NMNAT2: variants seen among roughly 807,000 people sequenced by gnomAD.
NMNAT2 encodes the protein nicotinamide/nicotinic acid mononucleotide adenylyltransferase 2.
A neutral mutation model predicts 41.6 loss-of-function variants in NMNAT2; 11 were observed. That is an observed-to-expected ratio of 0.26 (90% CI 0.17 to 0.44). The LOEUF is 0.44. Ranked by LOEUF, NMNAT2 falls within the 20% of genes least tolerant of loss-of-function variation. The pLI, the probability that NMNAT2 is intolerant of heterozygous loss-of-function variation, is 1.00. For missense variants in NMNAT2, 288 were observed against 407.7 expected, an observed-to-expected ratio of 0.71 and a Z score of 2.53; for synonymous variants, 148 against 151.2, an observed-to-expected ratio of 0.98 and a Z score of 0.16.
chr1:183,389,110 T>C (rs1648356101), intron 1 of NMNAT2, among the ~76,000 whole-genome samples: 1 of 152,188 alleles, frequency 6.6e-6, no homozygotes, highest in South Asian at 2.1e-4. Flanking sequence ...CAGGTATCTC[T>C]GTCCCCAGCC....
chr1:183,332,551 G>A (rs1662606455), intron 1 of NMNAT2, among the ~76,000 whole-genome samples: 1 of 152,162 alleles, frequency 6.6e-6, no homozygotes, highest in Admixed American at 6.5e-5. Context: ...CTTAAAATGA[G>A]GTTTGAGATT....
At chr1:183,261,177 T>C (rs199615434) in intron 9 of NMNAT2, 25 bp downstream of exon 9, 64 of 1,609,602 alleles carry the variant, frequency 4.0e-5, no homozygotes, top group Non-Finnish European at 5.1e-5. Context: ...ATAACACAGA[T>C]GCACTAGCAG....
In NMNAT2 at chr1:183,278,541, C is replaced by A; in HGVS notation, c.651+12G>T. 6.2e-7 allele frequency: 1 copy of A among 1,601,688 alleles called. No individual in the cohort carries two copies. On this transcript the variant is annotated intron_variant, in intron 8 of 10. Coordinates refer to ENST00000287713, the MANE Select transcript of NMNAT2 (RefSeq NM_015039.4). Reference sequence around the variant, plus strand: ...TCCCAGCTGGGTGCCAGGCAATAACCTTGCTACTCACATCTGCCTCGTTCC... The same window carrying A: ...TCCCAGCTGGGTGCCAGGCAATAACATTGCTACTCACATCTGCCTCGTTCC...
intron 1 of NMNAT2, among the ~76,000 whole-genome samples, chr1:183,315,543 G>A (rs964980671): frequency 2.6e-5 from 4 of 152,020 alleles, no homozygotes; most frequent in African/African-American, 7.3e-5. Flanking sequence ...AGTAGCTTTG[G>A]GAGGCCGAGG....
chr1:183,285,415 G>A (rs1266994634), intron 5 of NMNAT2, among the ~76,000 whole-genome samples: 1 of 152,178 alleles, frequency 6.6e-6, no homozygotes, highest in Non-Finnish European at 1.5e-5. Context: ...CCATGCAGAT[G>A]GTCTTCAGAA....
chr1:183,396,499 C>A (rs1648654562), intron 1 of NMNAT2, among the ~76,000 whole-genome samples: 2 of 152,050 alleles, frequency 1.3e-5, no homozygotes, highest in Admixed American at 1.3e-4. Flanking sequence ...TGGTATATGA[C>A]CTCCTTGGGA....
At chr1:183,284,861 C>T in intron 5 of NMNAT2, 71 bp from the exon 6 acceptor site, 1 of 1,306,608 alleles carries the variant, frequency 7.7e-7, no homozygotes, top group Non-Finnish European at 1.1e-6. Flanking sequence ...TCATGTCGGC[C>T]CGGCATTGGG....
At chr1:183,335,326 G>A (rs1334760694) in intron 1 of NMNAT2, among the ~76,000 whole-genome samples, 3 of 152,206 alleles carry the variant, frequency 2.0e-5, no homozygotes, top group East Asian at 1.9e-4. Context: ...GCACAAATCC[G>A]GCCCTATGTC....
At chr1:183,314,665 G>A (rs115339048) in intron 1 of NMNAT2, among the ~76,000 whole-genome samples, 2,003 of 152,334 alleles carry the variant, frequency 0.013, 23 homozygotes, top group Non-Finnish European at 0.022. Flanking sequence ...CTCATGGTGT[G>A]CACAGCCTTT....
intron 1 of NMNAT2, among the ~76,000 whole-genome samples, chr1:183,414,560 G>A (rs1408121092): frequency 1.3e-5 from 2 of 152,138 alleles, no homozygotes; most frequent in Non-Finnish European, 2.9e-5. Flanking sequence ...AGACCCATGA[G>A]ATATGACATC....
At position 183,284,718 on chromosome 1, in the gene NMNAT2, G is replaced by A; in HGVS notation, c.521C>T (p.Thr174Ile). 1 of 1,613,972 alleles carries A rather than the reference G, an allele frequency of 6.2e-7. No homozygotes were observed. The highest frequency in any genetic ancestry group is 8.5e-7 in the Non-Finnish European group (1 of 1,179,824). ...CCVRPPVERF[T>I]FVDENANLGT... ...GTTCCTTGGTTCCTCACCTACAAAG[G>A]TGAAACGCTCCACCGGCGGGCGGAC... Residue 174 changes from threonine (T) to isoleucine (I), a missense_variant, in exon 6 of 11, where the codon ACC becomes ATC. By Grantham distance (89) the Thr-to-Ile change is moderately conservative. Around this residue, in one of 3 missense-constraint regions of NMNAT2, gnomAD observed 181 missense variants for 213.7 expected, o/e 0.85. Coordinates refer to ENST00000287713, the MANE Select transcript of NMNAT2 (RefSeq NM_015039.4).
chr1:183,379,913 A>T (rs895702620), intron 1 of NMNAT2, among the ~76,000 whole-genome samples: 1 of 152,248 alleles, frequency 6.6e-6, no homozygotes, highest in Non-Finnish European at 1.5e-5. Flanking sequence ...TTCTAATCCA[A>T]TGAAATTATT....
intron 1 of NMNAT2, among the ~76,000 whole-genome samples, chr1:183,310,078 G>A (rs1388227173): frequency 6.6e-6 from 1 of 152,164 alleles, no homozygotes; most frequent in East Asian, 1.9e-4. Flanking sequence ...AGATGAATTT[G>A]GTGACCTTTA....
intron 1 of NMNAT2, among the ~76,000 whole-genome samples, chr1:183,398,157 A>G (rs1347951055): frequency 6.6e-6 from 1 of 152,234 alleles, no homozygotes; most frequent in Non-Finnish European, 1.5e-5. Flanking sequence ...TGCCATATTC[A>G]GGAGACCCAT....
At chr1:183,342,226 A>G (rs2102346279) in intron 1 of NMNAT2, among the ~76,000 whole-genome samples, 1 of 152,122 alleles carries the variant, frequency 6.6e-6, no homozygotes, top group South Asian at 2.1e-4. Flanking sequence ...AAAGTGGCTC[A>G]TGCCTGTAAT....
intron 1 of NMNAT2, among the ~76,000 whole-genome samples, chr1:183,387,869 G>T (rs1367940932): frequency 3.3e-5 from 5 of 152,210 alleles, no homozygotes; most frequent in African/African-American, 1.2e-4. Context: ...CTTCCTGTTT[G>T]ATTGGGAGTC....
chr1:183,261,402 T>G, intron 8 of NMNAT2, 99 bp from the exon 9 acceptor site: 1 of 1,097,212 alleles, frequency 9.1e-7, no homozygotes, highest in Non-Finnish European at 1.4e-6. Flanking sequence ...TTCTTCCACA[T>G]GGAGCCCCAA....
chr1:183,301,633 G>T (rs1467069019), intron 1 of NMNAT2, among the ~76,000 whole-genome samples: 1 of 152,282 alleles, frequency 6.6e-6, no homozygotes, highest in Non-Finnish European at 1.5e-5. Flanking sequence ...GGACCCTGAG[G>T]GTCCACTGTG....
intron 1 of NMNAT2, among the ~76,000 whole-genome samples, chr1:183,294,558 C>T (rs1280801646): frequency 6.6e-6 from 1 of 152,070 alleles, no homozygotes; most frequent in East Asian, 1.9e-4. Context: ...TTTGGGAGGC[C>T]GAGGCAGGTG....
Sources: gnomAD v4.1 joint callset for allele counts (sites outside exome capture counted in the v4.1 genomes callset) on GRCh38, gnomAD v4.1.1 for gene constraint, gnomAD v4.1.1 regional missense constraint, MANE v1.5 for transcripts, NCBI Gene and HGNC (gene_info 2026-07-23, HGNC 2026-07-21) for gene names.